The following DYNC1I1 variants were observed in gnomAD, a reference collection of about 807,000 sequenced individuals.
The protein encoded by DYNC1I1 is cytoplasmic dynein 1 intermediate chain 1.
A neutral mutation model predicts 86.6 loss-of-function variants in DYNC1I1; 43 were observed. That is an observed-to-expected ratio of 0.50 (90% CI 0.39 to 0.64). The LOEUF is 0.64. Among genes scored for constraint, DYNC1I1 ranks in the 30% least tolerant of loss-of-function variants. The probability of loss-of-function intolerance (pLI) is 0.00; values close to 1 mark genes in which losing one functional copy is unlikely to be tolerated. For synonymous variants in DYNC1I1, 262 were observed against 283.7 expected (o/e 0.92, Z 0.77); for missense variants, 604 against 788.8 (o/e 0.77, Z 2.81).
At position 95,797,551 on chromosome 7, in the gene DYNC1I1, G is replaced by A. The variant is rs149314528; in HGVS notation, c.-9-7170G>A. Reference sequence around the variant, plus strand: ...ATTATTTTCCAGTTACATTTTCCAAGTAACCTATTCATGACATTATAAAAT... The same window carrying A: ...ATTATTTTCCAGTTACATTTTCCAAATAACCTATTCATGACATTATAAAAT... On this transcript the variant is annotated intron_variant, in intron 1 of 16. Transcript: ENST00000447467. Among the ~76,000 whole-genome samples, 589 of 152,280 alleles carry A rather than the reference G, an allele frequency of 3.9e-3. 4 individuals are homozygous for A. The highest frequency in any genetic ancestry group is 0.013 in the African/African-American group (557 of 41,536).
At chr7:95,950,665 A>G (rs1792528011) in intron 6 of DYNC1I1, among the ~76,000 whole-genome samples, 1 of 152,150 alleles carries the variant, frequency 6.6e-6, no homozygotes. Flanking sequence ...GCGTCAGTAG[A>G]TCAGATGGAG....
At chr7:95,941,015 C>T (rs1159598517) in intron 6 of DYNC1I1, among the ~76,000 whole-genome samples, 1 of 152,224 alleles carries the variant, frequency 6.6e-6, no homozygotes, top group African/African-American at 2.4e-5. Flanking sequence ...TTCCTTCTAA[C>T]AGACAGGACC....
At chr7:96,068,227 G>A (rs1790052804) in intron 14 of DYNC1I1, among the ~76,000 whole-genome samples, 1 of 152,120 alleles carries the variant, frequency 6.6e-6, no homozygotes, top group Non-Finnish European at 1.5e-5. Context: ...TTCGGCTTTA[G>A]TGAAACAGAA....
At chr7:95,954,915 CAAAAAAAAAA>C (rs58435060) in intron 6 of DYNC1I1, among the ~76,000 whole-genome samples, 9 of 81,858 alleles carry the variant, frequency 1.1e-4, no homozygotes, top group African/African-American at 2.3e-4. Context: ...GACTCTGTCT[CAAAAAAAAAA>C]AAAAAAAAAA....
At chr7:95,993,208 T>C (rs1254210918) in intron 9 of DYNC1I1, among the ~76,000 whole-genome samples, 1 of 152,172 alleles carries the variant, frequency 6.6e-6, no homozygotes, top group Non-Finnish European at 1.5e-5. Flanking sequence ...CCCAAAAACT[T>C]GCGTGAGATA....
chr7:96,028,094 A>G, intron 10 of DYNC1I1, 81 bp from the exon 11 acceptor site: 1 of 1,543,132 alleles, frequency 6.5e-7, no homozygotes, highest in Non-Finnish European at 8.8e-7. Context: ...AGTTTATGTG[A>G]TGAACTGTTT....
At chr7:96,082,027 A>G (rs568960832) in intron 16 of DYNC1I1, among the ~76,000 whole-genome samples, 1 of 152,288 alleles carries the variant, frequency 6.6e-6, no homozygotes, top group South Asian at 2.1e-4. Flanking sequence ...CTCTGTTAAT[A>G]TTGGCCCCAG....
chr7:95,908,664 G>C (rs1223008646), intron 6 of DYNC1I1, among the ~76,000 whole-genome samples: 2 of 152,088 alleles, frequency 1.3e-5, no homozygotes. Flanking sequence ...AAATGCAGGA[G>C]AGCCTCCTTG....
In DYNC1I1 at chr7:95,869,924, T is replaced by C. The variant is rs1221956307; in HGVS notation, c.416T>C (p.Val139Ala). 6.2e-7 allele frequency: 1 copy of C among 1,614,122 alleles called. No individual in the cohort carries two copies. The highest frequency in any genetic ancestry group is 1.1e-5 in the South Asian group (1 of 91,048). ...HKLGVSKVTQ[V>A]DFLPREVVSY... ...CTGGGCGTGTCAAAGGTCACCCAAG[T>C]GGATTTCCTGCCAAGGGAAGTAGTG... Residue 139 changes from valine (V) to alanine (A), a missense_variant, in exon 6 of 17, where the codon GTG (valine) becomes GCG (alanine). Coordinates refer to ENST00000447467, the MANE Select transcript of DYNC1I1 (RefSeq NM_001135556.2).
intron 6 of DYNC1I1, among the ~76,000 whole-genome samples, chr7:95,970,035 A>G (rs917686380): frequency 6.6e-6 from 1 of 152,156 alleles, no homozygotes; most frequent in Non-Finnish European, 1.5e-5. Context: ...GGTGCATGTT[A>G]TACTTTATCT....
chr7:95,967,934 T>G lies in DYNC1I1; in HGVS notation c.491-9578T>G, dbSNP rs181929071. ...CATGCTTGTGCGGGGGTGAACACAGTAGAGGACATTTAAACAGGAAGCACA... is the reference window on the plus strand; with the variant it reads ...CATGCTTGTGCGGGGGTGAACACAGGAGAGGACATTTAAACAGGAAGCACA... On this transcript the variant is annotated intron_variant, in intron 6 of 16. Coordinates refer to ENST00000447467, the MANE Select transcript of DYNC1I1 (RefSeq NM_001135556.2). Among the ~76,000 whole-genome samples the G allele has an allele frequency of 1.2e-4, 18 of 152,136 alleles. No homozygotes were observed. In the East Asian group the frequency reaches 2.1e-3, roughly 18 times the overall value.
chr7:95,943,675 G>T (rs1005921401), intron 6 of DYNC1I1, among the ~76,000 whole-genome samples: 20 of 149,668 alleles, frequency 1.3e-4, no homozygotes, highest in African/African-American at 4.7e-4. Flanking sequence ...CCAAAACAGA[G>T]ATATAGATCA....
intron 5 of DYNC1I1, among the ~76,000 whole-genome samples, chr7:95,844,372 A>G (rs1789370851): frequency 6.6e-6 from 1 of 152,152 alleles, no homozygotes; most frequent in African/African-American, 2.4e-5. Flanking sequence ...AAGAACTTAG[A>G]TTTTATTTTC....
chr7:96,034,044 C>T (rs977269866), intron 12 of DYNC1I1, among the ~76,000 whole-genome samples: 9 of 152,110 alleles, frequency 5.9e-5, no homozygotes, highest in African/African-American at 2.2e-4. Flanking sequence ...ATTATACACA[C>T]ACACATGCAC....
intron 10 of DYNC1I1, among the ~76,000 whole-genome samples, chr7:96,026,183 G>A (rs1409225150): frequency 1.3e-5 from 2 of 152,138 alleles, no homozygotes; most frequent in African/African-American, 2.4e-5. Flanking sequence ...ATTGGGGCAT[G>A]AGCATGTTCT....
At chr7:95,947,980 C>CTTTTTTTTT (rs35181190) in intron 6 of DYNC1I1, among the ~76,000 whole-genome samples, 4 of 106,832 alleles carry the variant, frequency 3.7e-5, no homozygotes, top group African/African-American at 1.5e-4. Context: ...TTGTATGTGG[C>CTTTTTTTTT]TTTTTTTTTT....
intron 16 of DYNC1I1, among the ~76,000 whole-genome samples, chr7:96,108,697 A>AAT (rs1791258218): frequency 2.6e-5 from 4 of 151,886 alleles, no homozygotes; most frequent in Non-Finnish European, 5.9e-5. Context: ...CCCCGTCTCT[A>AAT]CTAAAAATAC....
intron 1 of DYNC1I1, among the ~76,000 whole-genome samples, chr7:95,788,352 T>C (rs1236558591): frequency 6.6e-6 from 1 of 152,130 alleles, no homozygotes; most frequent in Non-Finnish European, 1.5e-5. Flanking sequence ...AATTTGCTGA[T>C]AGATTGGATG....
intron 14 of DYNC1I1, among the ~76,000 whole-genome samples, chr7:96,049,007 C>T (rs1456123272): frequency 6.6e-6 from 1 of 152,110 alleles, no homozygotes; most frequent in Non-Finnish European, 1.5e-5. Flanking sequence ...CGCCTGTAGT[C>T]CCAGCACTTT....
Sources: gnomAD v4.1 joint callset for allele counts (sites outside exome capture counted in the v4.1 genomes callset) on GRCh38, gnomAD v4.1.1 for gene constraint, MANE v1.5 for transcripts, NCBI Gene and HGNC (gene_info 2026-07-23, HGNC 2026-07-21) for gene names.